EVI5: variants seen among roughly 807,000 people sequenced by gnomAD.
EVI5 encodes the protein ecotropic viral integration site 5 protein homolog.
In EVI5, 73 loss-of-function variants were observed where a neutral mutation model predicts 112.0. That is an observed-to-expected ratio of 0.65 (90% CI 0.54 to 0.79). The LOEUF (loss-of-function observed/expected upper bound fraction) is 0.79. EVI5 is among the 30% of genes least tolerant of loss of function. The pLI, the probability that EVI5 is intolerant of heterozygous loss-of-function variation, is 0.00. For missense variants in EVI5, 900 were observed against 968.8 expected, an observed-to-expected ratio of 0.93 and a Z score of 0.94; for synonymous variants, 305 against 319.9, an observed-to-expected ratio of 0.95 and a Z score of 0.50.
chr1:92,544,646 A>G (rs1665379977), intron 19 of EVI5, among the ~76,000 whole-genome samples: 2 of 152,224 alleles, frequency 1.3e-5, no homozygotes, highest in Non-Finnish European at 2.9e-5. Flanking sequence ...AGATGAATGC[A>G]TTTGTAGTAT....
At position 92,750,787 on chromosome 1, in the gene EVI5, T is replaced by C. The variant is rs545137933; in HGVS notation, c.-81-14160A>G. On this transcript the variant is annotated intron_variant, in intron 1 of 19. Coordinates refer to ENST00000684568, the MANE Select transcript of EVI5 (RefSeq NM_001350197.2). ...AGGTCAATTAGTTCTTTCCCCATCA[T>C]CCATATCATCAACCTTGCCCACCAT... Among the ~76,000 whole-genome samples, 3 of 152,310 alleles carry C rather than the reference T, an allele frequency of 2.0e-5. No homozygotes were observed. The South Asian group carries it at 6.2e-4, about 32-fold the overall frequency.
chr1:92,535,099 A>G lies in EVI5; in HGVS notation c.2167-21129T>C, dbSNP rs1276098799. Among the ~76,000 whole-genome samples, 4 of 152,190 alleles carry G rather than the reference A, an allele frequency of 2.6e-5. No individual in the cohort carries two copies. In the South Asian group the frequency reaches 8.3e-4, roughly 31 times the overall value. ...ATTTACAAGAAAAAAAAACCCATCA[A>G]AAAGTGGACGAAGGATATGAACTTC... On this transcript the variant is annotated intron_variant, in intron 19 of 19. Transcript: ENST00000684568.
chr1:92,593,097 G>T (rs915332113), intron 18 of EVI5, among the ~76,000 whole-genome samples: 3 of 152,106 alleles, frequency 2.0e-5, no homozygotes, highest in African/African-American at 7.2e-5. Context: ...TGATACCAAA[G>T]CCTGGCAGAG....
chr1:92,610,053 T>G (rs1389057628), intron 16 of EVI5, among the ~76,000 whole-genome samples: 1 of 151,932 alleles, frequency 6.6e-6, no homozygotes, highest in Non-Finnish European at 1.5e-5. Flanking sequence ...GCCCAGATAA[T>G]TTTTTTTATT....
In EVI5 at chr1:92,756,701, G is replaced by A. The variant is rs988054068; in HGVS notation, c.-81-20074C>T. On this transcript the variant is annotated intron_variant, in intron 1 of 19. Transcript: ENST00000684568. ...GTCAAACAGTCACATAGACCTCACCGCTGTATCGCCATCCTACATCAACCA... is the reference window on the plus strand; with the variant it reads ...GTCAAACAGTCACATAGACCTCACCACTGTATCGCCATCCTACATCAACCA... 3.5e-5 allele frequency: 17 copies of A among 489,976 alleles called. No individual in the cohort carries two copies. The East Asian group carries it at 4.4e-4, about 13-fold the overall frequency. 30.4% of individuals were successfully genotyped at this position (489,976 alleles called of 1,614,324 possible). A position where few individuals can be genotyped will look rare whatever the true frequency, so the allele number is the denominator to read the frequency against.
chr1:92,531,981 G>C (rs1039223977), intron 19 of EVI5, among the ~76,000 whole-genome samples: 4 of 152,142 alleles, frequency 2.6e-5, no homozygotes, highest in African/African-American at 9.7e-5. Flanking sequence ...CCAATTAAAA[G>C]ACACAGACTG....
At chr1:92,595,272 G>C (rs540780357) in intron 18 of EVI5, among the ~76,000 whole-genome samples, 46 of 151,690 alleles carry the variant, frequency 3.0e-4, no homozygotes, top group African/African-American at 1.0e-3. Flanking sequence ...GTAGGGACAT[G>C]GATGAAGCTG....
intron 9 of EVI5, among the ~76,000 whole-genome samples, chr1:92,686,871 A>G (rs1162190777): frequency 6.6e-6 from 1 of 152,230 alleles, no homozygotes; most frequent in African/African-American, 2.4e-5. Flanking sequence ...ACTACAAATC[A>G]CTGCTCAATG....
At chr1:92,749,747 T>C (rs1196314849) in intron 1 of EVI5, among the ~76,000 whole-genome samples, 2 of 152,154 alleles carry the variant, frequency 1.3e-5, no homozygotes, top group Admixed American at 6.5e-5. Flanking sequence ...GAAAGTGTTA[T>C]AAAATAATGT....
chr1:92,568,463 C>T (rs1415362706), intron 18 of EVI5, among the ~76,000 whole-genome samples: 3 of 151,600 alleles, frequency 2.0e-5, no homozygotes, highest in Non-Finnish European at 2.9e-5. Flanking sequence ...ATATATTGAA[C>T]AGGTACAACA....
chr1:92,775,226 A>G (rs1683956916), intron 1 of EVI5, among the ~76,000 whole-genome samples: 1 of 152,152 alleles, frequency 6.6e-6, no homozygotes, highest in Admixed American at 6.5e-5. Flanking sequence ...TCAGGAGTTC[A>G]AGACCAACCT....
At position 92,509,691 on chromosome 1, in the gene EVI5, T is replaced by C. The variant is rs144302810; in HGVS notation, c.*3965A>G. 7.2e-5 allele frequency: 11 copies of C among 152,270 alleles called. No homozygotes were observed. The East Asian group carries it at 2.1e-3, about 29-fold the overall frequency. The allele number at this position is 152,270 out of a possible 1,614,324, so 9.4% of individuals were successfully genotyped here. A position where few individuals can be genotyped will look rare whatever the true frequency, so the allele number is the denominator to read the frequency against. On this transcript the variant is annotated 3_prime_UTR_variant, in exon 20 of 20. Coordinates refer to ENST00000684568, the MANE Select transcript of EVI5 (RefSeq NM_001350197.2). ...TAAAAAGGCTGTTGAAGTGTTTTCT[T>C]GATCTAAAAGTGTCTGTTTCATTAA...
At chr1:92,627,074 CT>C (rs889485614) in intron 14 of EVI5, among the ~76,000 whole-genome samples, 1 of 152,092 alleles carries the variant, frequency 6.6e-6, no homozygotes, top group Non-Finnish European at 1.5e-5. Context: ...TGAGTAAGTT[CT>C]TTAGTGGTGA....
At chr1:92,746,586 T>G (rs1679281114) in intron 1 of EVI5, among the ~76,000 whole-genome samples, 2 of 151,734 alleles carry the variant, frequency 1.3e-5, no homozygotes, top group Admixed American at 1.3e-4. Flanking sequence ...ATTAGCCGGG[T>G]GTAGTGGTGC....
intron 9 of EVI5, among the ~76,000 whole-genome samples, chr1:92,684,973 A>C (rs1465908925): frequency 6.6e-6 from 1 of 152,076 alleles, no homozygotes; most frequent in Non-Finnish European, 1.5e-5. Context: ...TTAACACCCC[A>C]CTGTCAATAC....
intron 1 of EVI5, among the ~76,000 whole-genome samples, chr1:92,769,810 C>A (rs1191129880): frequency 6.6e-6 from 1 of 152,046 alleles, no homozygotes; most frequent in Non-Finnish European, 1.5e-5. Context: ...TGGCATGAAC[C>A]CGAGAGGCAG....
intron 18 of EVI5, among the ~76,000 whole-genome samples, chr1:92,604,606 A>T (rs1211185840): frequency 1.3e-5 from 2 of 152,224 alleles, no homozygotes; most frequent in Non-Finnish European, 1.5e-5. Flanking sequence ...ACTCTAAAAT[A>T]GCAATATTAG....
rs935584797 is a variant in EVI5, at chr1:92,510,926, C to G, written c.*2730G>C. The G allele has an allele frequency of 3.3e-5, 5 of 152,174 alleles. No individual in the cohort carries two copies. Among genetic ancestry groups the G allele is most frequent in the African/African-American group, 4.8e-5 (2 of 41,430 alleles). The allele number at this position is 152,174 out of a possible 1,614,324, so 9.4% of individuals were successfully genotyped here. On this transcript the variant is annotated 3_prime_UTR_variant, in exon 20 of 20. Coordinates refer to ENST00000684568, the MANE Select transcript of EVI5 (RefSeq NM_001350197.2). The stretch of plus-strand genomic sequence containing the variant: ...AGATTTCTTGATGTGAGGGTCAAAG[C>G]AATAATGTGGCCATGCATCATCTCA...
intron 1 of EVI5, among the ~76,000 whole-genome samples, chr1:92,781,494 GA>G (rs201433647): frequency 0.042 from 6,012 of 141,638 alleles, 294 homozygotes; most frequent in African/African-American, 0.12. Flanking sequence ...GACCCTGTCT[GA>G]AAAAAAAAAA....
Sources: allele counts gnomAD v4.1 joint callset (sites outside exome capture counted in the v4.1 genomes callset), GRCh38; gene constraint gnomAD v4.1.1; transcripts MANE v1.5; gene names NCBI Gene and HGNC (gene_info 2026-07-23, HGNC 2026-07-21).